POF1B: variants seen among roughly 807,000 people sequenced by gnomAD.
POF1B encodes POF1B actin binding protein.
Under a neutral mutation model 55.3 loss-of-function variants are expected in POF1B, and 53 were observed. The observed-to-expected ratio is 0.96, with a 90% CI of 0.77 to 1.20. The LOEUF is 1.20. Among genes scored for constraint, POF1B ranks in the 50% most tolerant of loss-of-function variants. The probability of loss-of-function intolerance (pLI) is 0.00; values close to 1 mark genes in which losing one functional copy is unlikely to be tolerated. For missense variants in POF1B, 478 were observed against 420.5 expected, an observed-to-expected ratio of 1.14 and a Z score of -1.20; for synonymous variants, 188 against 148.3, an observed-to-expected ratio of 1.27 and a Z score of -1.95.
intron 2 of POF1B, among the ~76,000 whole-genome samples, chrX:85,372,343 C>CAA (rs35860898): frequency 0.03 from 1,903 of 64,415 alleles, 81 homozygotes; most frequent in African/African-American, 0.1. Flanking sequence ...GACTCTGTCT[C>CAA]AAAAAAAAAA....
At chrX:85,306,056 G>T in intron 12 of POF1B, 125 bp downstream of exon 12, 1 of 943,455 alleles carries the variant, frequency 1.1e-6, no homozygotes, top group African/African-American at 1.9e-5. Flanking sequence ...GCATTATAAA[G>T]CTCAAATGTC....
At chrX:85,360,527 G>GTATGTATATA (rs1392775604) in intron 3 of POF1B, among the ~76,000 whole-genome samples, 68 of 58,500 alleles carry the variant, frequency 1.2e-3, no homozygotes, top group African/African-American at 6.3e-3. Context: ...TCCATGGTAT[G>GTATGTATATA]TATATATATA....
chrX:85,309,506 A>T (rs1202216709), intron 9 of POF1B, among the ~76,000 whole-genome samples: 2 of 111,615 alleles, frequency 1.8e-5, no homozygotes, highest in African/African-American at 6.5e-5. Context: ...GAATCTTGGG[A>T]CCTGAGAAAT....
intron 4 of POF1B, among the ~76,000 whole-genome samples, chrX:85,356,039 G>A (rs1433027212): frequency 1.3e-4 from 14 of 111,373 alleles, no homozygotes; most frequent in Non-Finnish European, 1.9e-4. Flanking sequence ...ATTCACAATA[G>A]CAAAGACTTG....
At chrX:85,328,259 C>A (rs972324723) in intron 7 of POF1B, among the ~76,000 whole-genome samples, 4 of 107,835 alleles carry the variant, frequency 3.7e-5, no homozygotes, top group African/African-American at 1.4e-4. Flanking sequence ...GACTGGAGTG[C>A]AGTGGCGCGA....
intron 7 of POF1B, among the ~76,000 whole-genome samples, chrX:85,320,934 A>G (rs1932831180): frequency 9.0e-6 from 1 of 110,562 alleles, no homozygotes; most frequent in African/African-American, 3.3e-5. Context: ...AGGATCTGAA[A>G]TTGTGGCAAT....
chrX:85,372,127 G>C (rs902995030), intron 2 of POF1B, among the ~76,000 whole-genome samples: 2 of 110,610 alleles, frequency 1.8e-5, no homozygotes, highest in Non-Finnish European at 3.8e-5. Flanking sequence ...GGCGGATCAC[G>C]AGGTCAGGAA....
intron 3 of POF1B, among the ~76,000 whole-genome samples, chrX:85,364,410 G>A (rs1298779185): frequency 1.8e-5 from 2 of 111,729 alleles, no homozygotes; most frequent in African/African-American, 6.5e-5. Context: ...CATGTTTAGT[G>A]CTCCTTTCAA....
chrX:85,283,722 A>T (rs1259230036), intron 15 of POF1B, among the ~76,000 whole-genome samples: 1 of 110,544 alleles, frequency 9.0e-6, no homozygotes, highest in African/African-American at 3.3e-5. Flanking sequence ...AAAAAAAGAA[A>T]CATGAAGAAA....
At chrX:85,280,936 A>T (rs955967588) in intron 16 of POF1B, among the ~76,000 whole-genome samples, 9 of 110,944 alleles carry the variant, frequency 8.1e-5, no homozygotes, top group Non-Finnish European at 1.5e-4. Context: ...TGCACATCGT[A>T]GTATGTTCAG....
intron 7 of POF1B, among the ~76,000 whole-genome samples, chrX:85,325,342 C>T (rs1024856714): frequency 1.1e-4 from 12 of 111,493 alleles, no homozygotes; most frequent in African/African-American, 3.9e-4. Flanking sequence ...GGTCTCTTTA[C>T]AAAATCCCTT....
intron 14 of POF1B, 147 bp from the exon 15 acceptor site, chrX:85,303,635 C>G (rs1306913821): frequency 1.2e-5 from 5 of 419,925 alleles, no homozygotes; most frequent in Non-Finnish European, 2.1e-5. Context: ...ATGTTCTAAT[C>G]CCACTTGTTG....
chrX:85,281,325 TA>T (rs1452859597), intron 16 of POF1B, among the ~76,000 whole-genome samples: 2 of 110,876 alleles, frequency 1.8e-5, no homozygotes, highest in Non-Finnish European at 3.8e-5. Flanking sequence ...ATTATGCCGA[TA>T]AGGGACTTGA....
At chrX:85,371,310 T>C in intron 2 of POF1B, among the ~76,000 whole-genome samples, 1 of 112,231 alleles carries the variant, frequency 8.9e-6, no homozygotes, top group South Asian at 3.7e-4. Context: ...TTTCAAATTT[T>C]TTAAACTTGT....
intron 6 of POF1B, among the ~76,000 whole-genome samples, chrX:85,336,953 C>T (rs1042201491): frequency 1.8e-5 from 2 of 111,331 alleles, no homozygotes; most frequent in African/African-American, 6.5e-5. Flanking sequence ...GTCTTTAGTC[C>T]ATTTTGATTT....
rs367749209 is a variant in POF1B at position 85,337,115 on chromosome X, A to G, written c.724-6036T>C. 9.9e-5 allele frequency among the ~76,000 whole-genome samples: 11 copies of G among 111,561 alleles called. No individual in the cohort carries two copies. In the South Asian group the frequency reaches 2.9e-3, roughly 30 times the overall value. The stretch of plus-strand genomic sequence containing the variant: ...AAAATGAGTTCACTATAGATACATG[A>G]ATTTGTTTCTGGGTTCTCTATTCTA... On this transcript the variant is annotated intron_variant, in intron 6 of 16. Coordinates refer to ENST00000262753, the MANE Select transcript of POF1B (RefSeq NM_024921.4).
At chrX:85,315,676 A>G (rs1932781135) in intron 8 of POF1B, 31 bp downstream of exon 8, 2 of 1,109,550 alleles carry the variant, frequency 1.8e-6, no homozygotes, top group South Asian at 4.5e-5. Flanking sequence ...TTATTATACT[A>G]TATTCGATTT....
chrX:85,335,006 CA>C (rs778912981), intron 6 of POF1B, among the ~76,000 whole-genome samples: 1 of 111,328 alleles, frequency 9.0e-6, no homozygotes, highest in South Asian at 3.7e-4. Context: ...GAATGCTTCT[CA>C]GGGGTAGGGA....
intron 15 of POF1B, among the ~76,000 whole-genome samples, chrX:85,297,928 C>T (rs1253849217): frequency 1.8e-5 from 2 of 112,265 alleles, no homozygotes; most frequent in Non-Finnish European, 3.8e-5. Context: ...AGACTGGGGG[C>T]TCCTCCCCAG....
Sources: gnomAD v4.1 joint callset for allele counts (sites outside exome capture counted in the v4.1 genomes callset) on GRCh38, gnomAD v4.1.1 for gene constraint, MANE v1.5 for transcripts, NCBI Gene and HGNC (gene_info 2026-07-23, HGNC 2026-07-21) for gene names.